ANXA8: variants seen among roughly 807,000 people sequenced by gnomAD.
The protein encoded by ANXA8 is VAC-beta.
ANXA8 carries 9 observed loss-of-function variants against 26.8 expected under a neutral mutation model. The ratio of observed to expected loss-of-function variants is 0.34; its 90% CI spans 0.20 to 0.59. ANXA8 has a LOEUF of 0.59. Ranked by LOEUF, ANXA8 falls within the 20% of genes least tolerant of loss-of-function variation. The pLI, the probability that ANXA8 is intolerant of heterozygous loss-of-function variation, is 0.84. For synonymous variants in ANXA8, 39 were observed against 94.8 expected (o/e 0.41, Z 3.42); for missense variants, 83 against 238.5 (o/e 0.35, Z 4.29).
the ANXA8 span, among the ~76,000 whole-genome samples, chr10:47,536,609 ATAAC>A: frequency 7.7e-6 from 1 of 130,590 alleles, no homozygotes. Flanking sequence ...CACACACAAC[ATAAC>A]TATCTATATA....
chr10:47,628,673 C>T, the ANXA8 span, among the ~76,000 whole-genome samples: 1 of 149,748 alleles, frequency 6.7e-6, no homozygotes, highest in Admixed American at 6.6e-5. Flanking sequence ...TTTTACATGC[C>T]TCTCAGCACC....
chr10:47,631,737 C>A, the ANXA8 span, among the ~76,000 whole-genome samples: 1 of 150,450 alleles, frequency 6.6e-6, no homozygotes, highest in Admixed American at 6.6e-5. Flanking sequence ...TTTTTTCAGA[C>A]TTAGAGAATT....
chr10:47,987,135 G>A, the ANXA8 span: 5 of 406,556 alleles, frequency 1.2e-5, no homozygotes, highest in Non-Finnish European at 2.0e-5. Context: ...TGGGCACAGG[G>A]AGGCATGGAG....
the ANXA8 span, among the ~76,000 whole-genome samples, chr10:47,704,905 T>G: frequency 5.5e-3 from 843 of 152,122 alleles, 13 homozygotes; most frequent in African/African-American, 0.02. Context: ...ATTGGAAGAT[T>G]TAACATTGTG....
intron 6 of ANXA8, among the ~76,000 whole-genome samples, 196 bp from the exon 7 acceptor site, chr10:47,475,200 G>T (rs1235570587): frequency 2.0e-5 from 3 of 147,726 alleles, no homozygotes; most frequent in Non-Finnish European, 3.0e-5. Context: ...GCCTCATAAG[G>T]CTTGGCGGAT....
chr10:47,685,843 A>G, the ANXA8 span, among the ~76,000 whole-genome samples: 1 of 149,044 alleles, frequency 6.7e-6, no homozygotes, highest in Non-Finnish European at 1.5e-5. Context: ...GGACTTCATT[A>G]TTGTCTTATC....
At chr10:47,587,424 T>C in the ANXA8 span, among the ~76,000 whole-genome samples, 5 of 147,462 alleles carry the variant, frequency 3.4e-5, 1 homozygote, top group African/African-American at 5.4e-5. Context: ...TCATGGTCAT[T>C]ATCATAACTA....
At chr10:47,702,440 T>C in the ANXA8 span, among the ~76,000 whole-genome samples, 1 of 151,042 alleles carries the variant, frequency 6.6e-6, no homozygotes, top group African/African-American at 2.4e-5. Context: ...TCCTGGGTTC[T>C]AGCAATTCTC....
At chr10:47,482,116 C>T (rs1839843192) in intron 1 of ANXA8, among the ~76,000 whole-genome samples, 1 of 138,022 alleles carries the variant, frequency 7.2e-6, no homozygotes, top group African/African-American at 2.8e-5. Context: ...CCCTCATCTC[C>T]TCCCATCGCG....
the ANXA8 span, among the ~76,000 whole-genome samples, chr10:47,733,475 G>A: frequency 8.1e-6 from 1 of 122,794 alleles, no homozygotes; most frequent in Non-Finnish European, 1.6e-5. Flanking sequence ...GAGGCCGTAA[G>A]TTGTTTAAGA....
chr10:47,656,373 G>A, the ANXA8 span, among the ~76,000 whole-genome samples: 2 of 150,366 alleles, frequency 1.3e-5, no homozygotes, highest in Non-Finnish European at 2.9e-5. Context: ...GCTCCAACCT[G>A]GGCAACAGAG....
chr10:47,658,442 A>G, the ANXA8 span, among the ~76,000 whole-genome samples: 1 of 149,836 alleles, frequency 6.7e-6, no homozygotes, highest in Non-Finnish European at 1.5e-5. Flanking sequence ...CACATTTACT[A>G]CTGGATGCCT....
the ANXA8 span, among the ~76,000 whole-genome samples, chr10:47,707,074 A>G: frequency 7.0e-6 from 1 of 143,594 alleles, no homozygotes; most frequent in Non-Finnish European, 1.6e-5. Context: ...AAAATGATGC[A>G]TATTGTTACA....
chr10:47,683,223 A>ATTTT, the ANXA8 span, among the ~76,000 whole-genome samples: 45 of 110,608 alleles, frequency 4.1e-4, no homozygotes, highest in African/African-American at 8.5e-4. Flanking sequence ...GCATTTACTA[A>ATTTT]TTTTTTTTTT....
chr10:47,768,503 G>A, the ANXA8 span, among the ~76,000 whole-genome samples: 5 of 151,076 alleles, frequency 3.3e-5, no homozygotes, highest in Non-Finnish European at 7.4e-5. Flanking sequence ...CCCAGTGAGA[G>A]GAAGGGCTGA....
the ANXA8 span, among the ~76,000 whole-genome samples, chr10:47,895,091 A>G: frequency 5.5e-3 from 816 of 149,204 alleles, no homozygotes; most frequent in African/African-American, 0.019. Context: ...CATACCCCAC[A>G]TGATATATCA....
the ANXA8 span, among the ~76,000 whole-genome samples, chr10:47,771,887 AC>A: frequency 6.7e-4 from 101 of 151,286 alleles, no homozygotes; most frequent in African/African-American, 2.4e-3. Context: ...TATGGCAGGT[AC>A]TTTTATCACT....
the ANXA8 span, among the ~76,000 whole-genome samples, chr10:47,988,824 A>G: frequency 1.3e-5 from 2 of 151,766 alleles, no homozygotes; most frequent in Non-Finnish European, 2.9e-5. Flanking sequence ...CCCAAAGTCC[A>G]TACTCTTGTT....
At chr10:47,556,084 A>G in the ANXA8 span, among the ~76,000 whole-genome samples, 1 of 152,074 alleles carries the variant, frequency 6.6e-6, no homozygotes, top group Admixed American at 6.5e-5. Context: ...TAGAAAAAAA[A>G]TGGTGGTATC....
Sources: gnomAD v4.1 joint callset for allele counts (sites outside exome capture counted in the v4.1 genomes callset) on GRCh38, gnomAD v4.1.1 for gene constraint, MANE v1.5 for transcripts, NCBI Gene and HGNC (gene_info 2026-07-23, HGNC 2026-07-21) for gene names.